The following ANKRD18A variants were observed in gnomAD, a reference collection of about 807,000 sequenced individuals.
The protein encoded by ANKRD18A is ankyrin repeat domain-containing protein 18A.
A neutral mutation model predicts 110.6 loss-of-function variants in ANKRD18A; 72 were observed. The ratio of observed to expected loss-of-function variants is 0.65; its 90% confidence interval spans 0.54 to 0.79. ANKRD18A has a LOEUF of 0.79. Among genes scored for constraint, ANKRD18A ranks in the 30% least tolerant of loss-of-function variants. The pLI, the probability that ANKRD18A is intolerant of heterozygous loss-of-function variation, is 0.00. For synonymous variants in ANKRD18A, 305 were observed against 410.3 expected, an observed-to-expected ratio of 0.74 and a Z score of 3.10; for missense variants, 934 against 1,163.3, an observed-to-expected ratio of 0.80 and a Z score of 2.87.
At chr9:38,567,309 A>G (rs1823505677), downstream of ANKRD18A, 1 of 152,242 alleles carries the variant, frequency 6.6e-6, no homozygotes, top group Non-Finnish European at 1.5e-5. Flanking sequence ...AATACCTGGC[A>G]CTATCTCTTT....
intron 14 of ANKRD18A, 144 bp downstream of exon 14, chr9:38,576,909 T>C: frequency 1.5e-6 from 1 of 675,970 alleles, no homozygotes; most frequent in East Asian, 2.9e-5. Context: ...GTAGGATTAT[T>C]TACTAACATT....
Position 38,571,395 on chromosome 9 carries a change from T to A in ANKRD18A, c.*650A>T, listed in dbSNP as rs942498360. 2 of 688,104 alleles carry A rather than the reference T, an allele frequency of 2.9e-6. No individual in the cohort carries two copies. Among genetic ancestry groups the A allele is most frequent in the African/African-American group, 3.7e-5 (2 of 53,680 alleles). The allele number at this position is 688,104 out of a possible 1,614,324, so 42.6% of individuals were successfully genotyped here. A position where few individuals can be genotyped will look rare whatever the true frequency, so the allele number is the denominator to read the frequency against. On this transcript the variant is annotated 3_prime_UTR_variant, in exon 16 of 16. Transcript: ENST00000399703. ...TTTATTTATTGGTTTTATTTCTCCA[T>A]GTAGAACAAAGAAGAAAATAAGAAA...
chr9:38,587,432 T>C (rs1824434558), intron 11 of ANKRD18A, among the ~76,000 whole-genome samples: 1 of 152,186 alleles, frequency 6.6e-6, no homozygotes, highest in Non-Finnish European at 1.5e-5. Context: ...TTACTCTTTT[T>C]CTTTAGGTTA....
At chr9:38,593,275 C>A (rs1824734765) in intron 10 of ANKRD18A, among the ~76,000 whole-genome samples, 1 of 152,124 alleles carries the variant, frequency 6.6e-6, no homozygotes, top group Admixed American at 6.6e-5. Context: ...GTAAATTAAC[C>A]TAAAACATGT....
chr9:38,615,445 A>G (rs1275041458), intron 3 of ANKRD18A, 149 bp downstream of exon 3: 5 of 1,195,456 alleles, frequency 4.2e-6, no homozygotes, highest in Non-Finnish European at 5.6e-6. Context: ...ATGCTTCTTT[A>G]AAAGTATCAA....
At chr9:38,594,726 T>G (rs1322299684) in intron 9 of ANKRD18A, among the ~76,000 whole-genome samples, 3 of 152,152 alleles carry the variant, frequency 2.0e-5, no homozygotes, top group Non-Finnish European at 4.4e-5. Context: ...AGAGAGCCAC[T>G]GAAGGAAAAG....
intron 13 of ANKRD18A, among the ~76,000 whole-genome samples, 155 bp from the exon 14 acceptor site, chr9:38,577,419 A>C (rs1382431035): frequency 1.3e-5 from 2 of 152,198 alleles, no homozygotes; most frequent in African/African-American, 4.8e-5. Context: ...TATCAACAAA[A>C]CTAATAACTG....
intron 12 of ANKRD18A, among the ~76,000 whole-genome samples, chr9:38,582,524 C>T (rs1265737284): frequency 2.6e-5 from 4 of 151,916 alleles, no homozygotes; most frequent in African/African-American, 9.7e-5. Context: ...GAATTGATAA[C>T]CTAAAAATAA....
At position 38,571,876 on chromosome 9, in the gene ANKRD18A, T is replaced by A; in HGVS notation, c.*169A>T. ...TATTCTACTTTAGTAAAGATTATGA[T>A]GTTTTATATTATATGAGAAACAATT... On this transcript the variant is annotated 3_prime_UTR_variant, in exon 16 of 16. Transcript: ENST00000399703. The A allele has an allele frequency of 3.0e-6, 4 of 1,329,082 alleles. No individual in the cohort carries two copies. The East Asian group carries it at 9.4e-5, about 31-fold the overall frequency. 82.3% of individuals were successfully genotyped at this position (1,329,082 alleles called of 1,614,324 possible). A position where few individuals can be genotyped will look rare whatever the true frequency, so the allele number is the denominator to read the frequency against.
At chr9:38,602,893 CCAAGCCT>C (rs1411395629) in intron 7 of ANKRD18A, among the ~76,000 whole-genome samples, 1 of 152,172 alleles carries the variant, frequency 6.6e-6, no homozygotes, top group African/African-American at 2.4e-5. Context: ...TGCTGGACCT[CCAAGCCT>C]CAAGGGATGC....
At chr9:38,615,036 CT>C (rs1233109145) in intron 3 of ANKRD18A, among the ~76,000 whole-genome samples, 1 of 152,176 alleles carries the variant, frequency 6.6e-6, no homozygotes, top group African/African-American at 2.4e-5. Flanking sequence ...CTGAAGAGCG[CT>C]TTGTCTCAAT....
At chr9:38,584,935 C>T (rs995558593) in intron 12 of ANKRD18A, among the ~76,000 whole-genome samples, 2 of 152,114 alleles carry the variant, frequency 1.3e-5, no homozygotes, top group African/African-American at 4.8e-5. Context: ...TCTGGTACAG[C>T]ATCACAGAGA....
At position 38,578,099 on chromosome 9, in the gene ANKRD18A, T is replaced by C. The variant is rs762298209; in HGVS notation, c.2297A>G (p.Asn766Ser). Residue 766 changes from asparagine to serine, a missense_variant, in exon 13 of 16, where the codon AAT becomes AGT. Physicochemically the swap from Asn to Ser is conservative, Grantham distance 46. This residue lies in a region of ANKRD18A where 79 missense variants were observed against 122.8 expected (regional missense o/e 0.64). Transcript: ENST00000399703. ...EKEAVSSECV[N>S]LAKDNEVLHQ... is the part of the protein sequence containing the mutation. ...AAGAACTTCATTGTCTTTGGCCAAA[T>C]TGACACATTCTGAAGACACAGCTTC... The C allele has an allele frequency of 7.1e-6, 11 of 1,550,242 alleles. No individual in the cohort carries two copies. The South Asian group carries it at 7.2e-5, about 10-fold the overall frequency.
intron 14 of ANKRD18A, 66 bp from the exon 15 acceptor site, chr9:38,575,764 C>A: frequency 6.8e-7 from 1 of 1,467,642 alleles, no homozygotes. Context: ...TAATGACTTG[C>A]ATTTTTTAAA....
chr9:38,574,414 G>C (rs1193933534), intron 15 of ANKRD18A, among the ~76,000 whole-genome samples: 1 of 152,004 alleles, frequency 6.6e-6, no homozygotes, highest in South Asian at 2.1e-4. Flanking sequence ...TTTCCTTTAG[G>C]TATAACCCTA....
At chr9:38,569,368 C>T (rs1301182109), downstream of ANKRD18A, 9 of 985,352 alleles carry the variant, frequency 9.1e-6, no homozygotes, top group Non-Finnish European at 1.1e-5. Flanking sequence ...GTCCCCAAGC[C>T]AGGAGGAAGA....
At chr9:38,612,536 GA>G (rs1193238201) in intron 3 of ANKRD18A, among the ~76,000 whole-genome samples, 3 of 65,314 alleles carry the variant, frequency 4.6e-5, no homozygotes, top group African/African-American at 4.1e-4. Context: ...TTTTTTTTTG[GA>G]AATGGGGTCT....
intron 9 of ANKRD18A, 26 bp downstream of exon 9, chr9:38,595,460 A>G (rs1199769021): frequency 7.0e-7 from 1 of 1,432,866 alleles, no homozygotes; most frequent in African/African-American, 1.4e-5. Context: ...TTCTTTCCAG[A>G]AGTTTATAGT....
At chr9:38,600,956 G>T (rs933076253) in intron 8 of ANKRD18A, among the ~76,000 whole-genome samples, 175 bp downstream of exon 8, 3 of 152,254 alleles carry the variant, frequency 2.0e-5, no homozygotes, top group Non-Finnish European at 4.4e-5. Flanking sequence ...TAGACTATTA[G>T]AATATTTTAC....
Sources: gnomAD v4.1 joint callset for allele counts (sites outside exome capture counted in the v4.1 genomes callset) on GRCh38, gnomAD v4.1.1 for gene constraint, gnomAD v4.1.1 regional missense constraint, MANE v1.5 for transcripts, NCBI Gene and HGNC (gene_info 2026-07-23, HGNC 2026-07-21) for gene names.